The following VWA8 variants were observed in gnomAD, a reference collection of about 807,000 sequenced individuals.
VWA8 encodes von Willebrand factor A domain-containing protein 8.
VWA8 carries 221 observed loss-of-function variants against 241.5 expected under a neutral mutation model. That is an observed-to-expected ratio of 0.91 (90% CI 0.82 to 1.02). The LOEUF (loss-of-function observed/expected upper bound fraction) is 1.02. VWA8 is among the 50% of genes least tolerant of loss of function. The pLI, the probability that VWA8 is intolerant of heterozygous loss-of-function variation, is 0.00. For synonymous variants in VWA8, 852 were observed against 827.1 expected (o/e 1.03, Z -0.52); for missense variants, 2,322 against 2,328.7 (o/e 1.00, Z 0.06).
intron 2 of VWA8, among the ~76,000 whole-genome samples, chr13:41,925,033 A>G (rs925922928): frequency 2.0e-5 from 3 of 152,246 alleles, no homozygotes; most frequent in Admixed American, 6.5e-5. Context: ...ATCAAGTCAC[A>G]TATAAGGGAA....
intron 20 of VWA8, among the ~76,000 whole-genome samples, chr13:41,776,910 G>T (rs1868619674): frequency 6.6e-6 from 1 of 151,962 alleles, no homozygotes; most frequent in Non-Finnish European, 1.5e-5. Flanking sequence ...ATAAGTTTGA[G>T]AGGCTAAATA....
intron 42 of VWA8, among the ~76,000 whole-genome samples, chr13:41,580,452 T>C (rs1362267825): frequency 1.3e-5 from 2 of 152,230 alleles, no homozygotes; most frequent in African/African-American, 2.4e-5. Flanking sequence ...ATTAACTTCT[T>C]GATAGAAGAA....
At chr13:41,837,405 G>A (rs1207076877) in intron 12 of VWA8, among the ~76,000 whole-genome samples, 1 of 152,126 alleles carries the variant, frequency 6.6e-6, no homozygotes, top group African/African-American at 2.4e-5. Context: ...TTTCAATTGT[G>A]TGAAAGTGCA....
At chr13:41,656,045 T>C (rs2044902479) in intron 37 of VWA8, among the ~76,000 whole-genome samples, 1 of 152,190 alleles carries the variant, frequency 6.6e-6, no homozygotes, top group Admixed American at 6.5e-5. Context: ...GGAGTCATAA[T>C]TACAATAATG....
intron 20 of VWA8, among the ~76,000 whole-genome samples, chr13:41,762,734 T>A (rs1386010703): frequency 1.3e-5 from 2 of 152,004 alleles, no homozygotes; most frequent in Non-Finnish European, 2.9e-5. Context: ...GCATCAAGGA[T>A]AGAAATTCAA....
intron 37 of VWA8, among the ~76,000 whole-genome samples, chr13:41,654,707 C>T (rs1032791911): frequency 2.6e-5 from 4 of 152,124 alleles, no homozygotes; most frequent in Non-Finnish European, 5.9e-5. Flanking sequence ...TCTAACAGGA[C>T]ACATTGAGAA....
intron 39 of VWA8, among the ~76,000 whole-genome samples, chr13:41,607,575 T>C (rs905844991): frequency 1.3e-5 from 2 of 152,184 alleles, no homozygotes; most frequent in Admixed American, 1.3e-4. Context: ...TATGTCAATA[T>C]GCTTCTTCTC....
chr13:41,800,929 T>C (rs1350492761), intron 17 of VWA8, among the ~76,000 whole-genome samples: 5 of 152,022 alleles, frequency 3.3e-5, no homozygotes, highest in Non-Finnish European at 7.4e-5. Context: ...AGGGAGATAA[T>C]AAAATATATG....
intron 20 of VWA8, among the ~76,000 whole-genome samples, chr13:41,776,746 TAAGA>T (rs1868613850): frequency 1.3e-5 from 2 of 152,142 alleles, no homozygotes; most frequent in Admixed American, 6.5e-5. Flanking sequence ...TGAGCCTTAG[TAAGA>T]TAAGCAATTT....
chr13:41,839,938 T>C (rs998381921), intron 12 of VWA8, among the ~76,000 whole-genome samples: 5 of 152,320 alleles, frequency 3.3e-5, no homozygotes, highest in East Asian at 1.9e-4. Context: ...GGGGATAGCA[T>C]TGAATGTATA....
At position 41,961,078 on chromosome 13, in the gene VWA8, G is replaced by A. The variant is rs1203863451; in HGVS notation, c.-63C>T. ...GGGGATCGAGCGGCGTCCCGTGCAG[G>A]CACCGTGAGGCAGCGCGGAGAAGGG... is the stretch of plus-strand genomic sequence containing the variant. On this transcript the variant is annotated 5_prime_UTR_variant, in exon 1 of 45. Coordinates refer to ENST00000379310, the MANE Select transcript of VWA8 (RefSeq NM_015058.2). 5 of 1,312,132 alleles carry A rather than the reference G, an allele frequency of 3.8e-6. No individual in the cohort carries two copies. Among genetic ancestry groups the A allele is most frequent in the Non-Finnish European group, 4.9e-6 (5 of 1,023,648 alleles). 81.3% of individuals were successfully genotyped at this position (1,312,132 alleles called of 1,614,324 possible).
At chr13:41,637,461 C>T (rs1241383770) in intron 37 of VWA8, among the ~76,000 whole-genome samples, 1 of 149,154 alleles carries the variant, frequency 6.7e-6, no homozygotes, top group Admixed American at 6.7e-5. Context: ...ATACCTAATG[C>T]TAAATGACGA....
At chr13:41,868,603 G>C in intron 9 of VWA8, 126 bp from the exon 10 acceptor site, 3 of 1,199,090 alleles carry the variant, frequency 2.5e-6, no homozygotes, top group Non-Finnish European at 3.4e-6. Flanking sequence ...GTAGAGGTTA[G>C]GCCAAGGGCG....
At chr13:41,953,193 T>C (rs183673297) in intron 1 of VWA8, among the ~76,000 whole-genome samples, 2 of 152,338 alleles carry the variant, frequency 1.3e-5, no homozygotes, top group Admixed American at 1.3e-4. Context: ...AGGATAATTT[T>C]TTCTCAGCCT....
chr13:41,695,499 T>A (rs193071918), intron 29 of VWA8, among the ~76,000 whole-genome samples: 1 of 152,308 alleles, frequency 6.6e-6, no homozygotes. Flanking sequence ...GTCTACTTAT[T>A]TTTCATTCCA....
In VWA8 at chr13:41,866,010, A is replaced by T; in HGVS notation, c.1239T>A (p.Ser413Arg). Residue 413 changes from serine (S) to arginine (R), a missense_variant, in exon 11 of 45, where the codon AGT (serine) becomes AGA (arginine). Transcript: ENST00000379310. ...IKVPAGTRLL[S>R]QPCASDRFIQ... ...TGAAACGGTCTGACGCACAAGGTTG[A>T]CTTAATAGCCTGGTCCCGGCTGGCA... is the stretch of plus-strand genomic sequence containing the variant. The T allele has an allele frequency of 6.2e-7, 1 of 1,614,196 alleles. No individual in the cohort carries two copies. Among genetic ancestry groups the T allele is most frequent in the Non-Finnish European group, 8.5e-7 (1 of 1,180,018 alleles).
In VWA8 at chr13:41,920,705, C is replaced by T. The variant is rs138540252; in HGVS notation, c.242-8537G>A. ...AAAATCTAGAAGAAATGGATAAATT[C>T]CTCGACACATACACCCTCCCAAGAC... On this transcript the variant is annotated intron_variant, in intron 2 of 44. Coordinates refer to ENST00000379310, the MANE Select transcript of VWA8 (RefSeq NM_015058.2). Among the ~76,000 whole-genome samples, 690 of 152,222 alleles carry T rather than the reference C, an allele frequency of 4.5e-3. 3 individuals carry two copies. Among genetic ancestry groups the T allele is most frequent in the African/African-American group, 0.016 (660 of 41,534 alleles).
chr13:41,727,830 C>T (rs1246816042), intron 23 of VWA8, among the ~76,000 whole-genome samples: 3 of 152,036 alleles, frequency 2.0e-5, no homozygotes, highest in Non-Finnish European at 4.4e-5. Flanking sequence ...TCTTAAAAAC[C>T]TAGTCAACTC....
At chr13:41,771,201 C>T (rs2045820602) in intron 20 of VWA8, among the ~76,000 whole-genome samples, 1 of 152,178 alleles carries the variant, frequency 6.6e-6, no homozygotes, top group Non-Finnish European at 1.5e-5. Context: ...CGGCTCACTG[C>T]AACCTCCCCC....
Sources: allele counts gnomAD v4.1 joint callset (sites outside exome capture counted in the v4.1 genomes callset), GRCh38; gene constraint gnomAD v4.1.1; transcripts MANE v1.5; gene names NCBI Gene and HGNC (gene_info 2026-07-23, HGNC 2026-07-21).